The following AKAP12 variants were observed in gnomAD, a reference collection of about 807,000 sequenced individuals.
AKAP12 encodes the protein A-kinase anchoring protein 12.
Under a neutral mutation model 79.9 loss-of-function variants are expected in AKAP12, and 32 were observed. That is an observed-to-expected ratio of 0.40 (90% CI 0.30 to 0.54). The LOEUF is 0.54. Ranked by LOEUF, AKAP12 falls within the 20% of genes least tolerant of loss-of-function variation. The pLI, the probability that AKAP12 is intolerant of heterozygous loss-of-function variation, is 0.48. For missense variants in AKAP12, 2,074 were observed against 2,177.0 expected, an observed-to-expected ratio of 0.95 and a Z score of 0.94; for synonymous variants, 808 against 857.0, an observed-to-expected ratio of 0.94 and a Z score of 1.00.
chr6:151,344,099 A>T (rs957546236), intron 3 of AKAP12: 1 of 222,936 alleles, frequency 4.5e-6, no homozygotes, highest in Non-Finnish European at 9.2e-6. Flanking sequence ...TGTGTATTTT[A>T]TAAAGAGAAA....
chr6:151,354,752 A>G lies in AKAP12; in HGVS notation c.*13-975A>G, dbSNP rs867451616. 2.0e-5 allele frequency among the ~76,000 whole-genome samples: 3 copies of G among 152,012 alleles called. No homozygotes were observed. The East Asian group carries it at 5.8e-4, about 29-fold the overall frequency. The stretch of plus-strand genomic sequence containing the variant: ...CGTGGTGCAATCATGGATTGCTGCA[A>G]CCTTGACTTCCTGGGCTAAAGCAAA... On this transcript the variant is annotated intron_variant, in intron 4 of 4. Coordinates refer to ENST00000402676, the MANE Select transcript of AKAP12 (RefSeq NM_005100.4).
intron 2 of AKAP12, among the ~76,000 whole-genome samples, chr6:151,302,021 T>TC (rs1235044968): frequency 2.0e-5 from 2 of 100,508 alleles, no homozygotes; most frequent in African/African-American, 7.8e-5. Flanking sequence ...TTTTTTTTCT[T>TC]TTTTTTTTTT....
At chr6:151,278,353 T>A (rs1170109881) in intron 2 of AKAP12, among the ~76,000 whole-genome samples, 1 of 150,986 alleles carries the variant, frequency 6.6e-6, no homozygotes, top group Non-Finnish European at 1.5e-5. Context: ...GTAGCTGGGA[T>A]TGCAGGCGCC....
intron 2 of AKAP12, among the ~76,000 whole-genome samples, chr6:151,287,992 C>T (rs2114732662): frequency 6.6e-6 from 1 of 151,772 alleles, no homozygotes; most frequent in East Asian, 1.9e-4. Flanking sequence ...CATGTTCTCA[C>T]TCATACGTAG....
chr6:151,319,487 A>ATCTAT (rs74280000), intron 3 of AKAP12: 2 of 127,900 alleles, frequency 1.6e-5, no homozygotes, highest in East Asian at 2.2e-4. Flanking sequence ...CTATCTATCT[A>ATCTAT]CTATCTATAA....
Position 151,352,111 on chromosome 6 carries a change from A to T in AKAP12, c.3720A>T (p.Glu1240Asp). Residue 1240 changes from glutamate (E) to aspartate (D), a missense_variant, in exon 4 of 5, where the codon GAA becomes GAT. Glu to Asp is a conservative substitution (Grantham distance 45). Around this residue, in one of 3 missense-constraint regions of AKAP12, gnomAD observed 614 missense variants for 665.6 expected, o/e 0.92. Coordinates refer to ENST00000402676, the MANE Select transcript of AKAP12 (RefSeq NM_005100.4). ...QEETKEQSKM[E>D]DTLEHTDKEV... ...AAACTAAAGAACAATCAAAGATGGA[A>T]GACACTCTAGAGCATACAGATAAAG... The T allele has an allele frequency of 6.2e-7, 1 of 1,614,154 alleles. No homozygotes were observed. Among genetic ancestry groups the T allele is most frequent in the Non-Finnish European group, 8.5e-7 (1 of 1,180,018 alleles).
At chr6:151,348,324 C>CAAA (rs3029381) in intron 3 of AKAP12, 254 of 395,574 alleles carry the variant, frequency 6.4e-4, no homozygotes, top group East Asian at 1.6e-3. Context: ...GACTCTGTCT[C>CAAA]AAAAAAAAAA....
At chr6:151,270,529 T>A (rs1305153341) in intron 2 of AKAP12, among the ~76,000 whole-genome samples, 10 of 152,252 alleles carry the variant, frequency 6.6e-5, no homozygotes, top group Admixed American at 6.5e-4. Flanking sequence ...GTAAATGTTT[T>A]CATTTCTCTT....
At position 151,240,676 on chromosome 6, in the gene AKAP12, A is replaced by G. The variant is rs1289089994; in HGVS notation, c.114A>G (p.Pro38=). Residue 38 remains proline, a synonymous_variant, in exon 2 of 5, where the codon CCA becomes CCG. Coordinates refer to ENST00000402676, the MANE Select transcript of AKAP12 (RefSeq NM_005100.4). ...SGGGPSAEAA[P]DTTADPAIAA... Reference sequence around the variant, plus strand: ...GCGGCCCCTCGGCCGAGGCGGCGCCAGACACCACCGCGGACCCCGCCATCG... The same window carrying G: ...GCGGCCCCTCGGCCGAGGCGGCGCCGGACACCACCGCGGACCCCGCCATCG... 76 of 1,289,270 alleles carry G rather than the reference A, an allele frequency of 5.9e-5. No homozygotes were observed. Among genetic ancestry groups the G allele is most frequent in the Non-Finnish European group, 7.1e-5 (73 of 1,021,408 alleles). The allele number at this position is 1,289,270 out of a possible 1,614,324, so 79.9% of individuals were successfully genotyped here.
chr6:151,325,189 A>T lies in AKAP12; in HGVS notation c.319+19286A>T, dbSNP rs1450256075. On this transcript the variant is annotated intron_variant, in intron 3 of 4. Transcript: ENST00000402676. ...ACGTGTGTGTATGCGTAAGACACAG[A>T]TGGTGAAAATATCAAATGCTACAGA... 3 of 985,322 alleles carry T rather than the reference A, an allele frequency of 3.0e-6. No individual in the cohort carries two copies. In the Admixed American group the frequency reaches 1.8e-4, roughly 61 times the overall value. 61.0% of individuals were successfully genotyped at this position (985,322 alleles called of 1,614,324 possible). A position where few individuals can be genotyped will look rare whatever the true frequency, so the allele number is the denominator to read the frequency against.
At chr6:151,268,802 C>A (rs1776109027) in intron 2 of AKAP12, among the ~76,000 whole-genome samples, 1 of 152,096 alleles carries the variant, frequency 6.6e-6, no homozygotes, top group Non-Finnish European at 1.5e-5. Flanking sequence ...TGCCACCATG[C>A]CCAGCTAATT....
chr6:151,287,041 A>G (rs1254792251), intron 2 of AKAP12, among the ~76,000 whole-genome samples: 2 of 149,320 alleles, frequency 1.3e-5, no homozygotes, highest in Non-Finnish European at 3.0e-5. Context: ...CCGGGTTCAC[A>G]CCATTCTCCT....
At chr6:151,279,780 A>C (rs1422462435) in intron 2 of AKAP12, among the ~76,000 whole-genome samples, 1 of 151,976 alleles carries the variant, frequency 6.6e-6, no homozygotes, top group Non-Finnish European at 1.5e-5. Flanking sequence ...CAGGAGGTTG[A>C]GTCTGCAGTG....
chr6:151,266,942 G>A (rs1009317470), intron 2 of AKAP12, among the ~76,000 whole-genome samples: 6 of 150,182 alleles, frequency 4.0e-5, no homozygotes, highest in Non-Finnish European at 7.4e-5. Context: ...GCGTGAACCC[G>A]GGAGGTGGAG....
At position 151,350,799 on chromosome 6, in the gene AKAP12, C is replaced by G. The variant is rs1327931032; in HGVS notation, c.2408C>G (p.Ser803Cys). Residue 803 changes from serine (S) to cysteine (C), a missense_variant, in exon 4 of 5, where the codon TCC becomes TGC. Transcript: ENST00000402676. The surrounding 1 kb of genome is among the most constrained non-coding windows in gnomAD (Gnocchi z 4.8). ...TPDTEPGKEE[S>C]WVSIKKFIPG... ...GACACTGAACCCGGTAAAGAAGAATCCTGGGTCTCAATCAAGAAGTTTATT... is the reference window on the plus strand; with the variant it reads ...GACACTGAACCCGGTAAAGAAGAATGCTGGGTCTCAATCAAGAAGTTTATT... 6.2e-7 allele frequency: 1 copy of G among 1,613,974 alleles called. No individual in the cohort carries two copies. Among genetic ancestry groups the G allele is most frequent in the Admixed American group, 1.7e-5 (1 of 60,016 alleles).
At chr6:151,275,047 T>C (rs1051700840) in intron 2 of AKAP12, among the ~76,000 whole-genome samples, 2 of 152,114 alleles carry the variant, frequency 1.3e-5, no homozygotes, top group African/African-American at 4.8e-5. Flanking sequence ...GAGGCTGCAG[T>C]GAGCCGTGAT....
intron 2 of AKAP12, among the ~76,000 whole-genome samples, chr6:151,248,494 G>C (rs933870240): frequency 5.9e-5 from 9 of 152,088 alleles, no homozygotes; most frequent in African/African-American, 2.2e-4. Context: ...CGTAAGAGCT[G>C]AATAAGGGCC....
At chr6:151,274,940 C>CA (rs1181823895) in intron 2 of AKAP12, among the ~76,000 whole-genome samples, 3 of 152,028 alleles carry the variant, frequency 2.0e-5, no homozygotes. Context: ...CCCACCTCTA[C>CA]AAAAAATATA....
intron 2 of AKAP12, 68 bp downstream of exon 2, chr6:151,240,792 G>A (rs1373182762): frequency 5.3e-6 from 5 of 950,774 alleles, no homozygotes; most frequent in African/African-American, 1.7e-5. Flanking sequence ...GGGGTGGGGG[G>A]GTCCCTCCGA....
Sources: allele counts gnomAD v4.1 joint callset (sites outside exome capture counted in the v4.1 genomes callset), GRCh38; gene constraint gnomAD v4.1.1; regional missense constraint gnomAD v4.1.1; non-coding constraint Gnocchi (gnomAD v3.1); transcripts MANE v1.5; gene names NCBI Gene and HGNC (gene_info 2026-07-23, HGNC 2026-07-21).